TTC34: variants seen among roughly 807,000 people sequenced by gnomAD.
TTC34 encodes tetratricopeptide repeat protein 34.
Under a neutral mutation model 40.7 loss-of-function variants are expected in TTC34, and 44 were observed. The observed-to-expected ratio is 1.08, with a 90% CI of 0.85 to 1.39. The LOEUF is 1.39. Among genes scored for constraint, TTC34 ranks in the 40% most tolerant of loss-of-function variants. The pLI is 0.00. For synonymous variants in TTC34, 422 were observed against 398.6 expected (o/e 1.06, Z -0.70); for missense variants, 884 against 838.0 (o/e 1.05, Z -0.68).
chr1:2,756,608 C>T (rs1641513766), intron 6 of TTC34, among the ~76,000 whole-genome samples: 81 of 150,066 alleles, frequency 5.4e-4, no homozygotes, highest in Admixed American at 8.6e-4. Context: ...CATCTGACAG[C>T]CTGGAACAGC....
intron 6 of TTC34, among the ~76,000 whole-genome samples, chr1:2,769,670 A>C (rs1641984041): frequency 1.8e-4 from 19 of 107,764 alleles, no homozygotes; most frequent in African/African-American, 2.7e-4. Flanking sequence ...AGCACCCTAC[A>C]CCCCCAGGGG....
intron 6 of TTC34, among the ~76,000 whole-genome samples, chr1:2,777,382 G>A (rs72849568): frequency 0.056 from 8,431 of 151,090 alleles, 735 homozygotes; most frequent in African/African-American, 0.2. Flanking sequence ...ACACCTCCAG[G>A]GGAGCATCTG....
chr1:2,784,991 G>GCTCTGGGCCA (rs1305265958), intron 5 of TTC34, among the ~76,000 whole-genome samples: 15 of 136,476 alleles, frequency 1.1e-4, no homozygotes, highest in South Asian at 2.5e-4. Flanking sequence ...GCTCTGGGCT[G>GCTCTGGGCCA]CTCTGGGCCG....
intron 6 of TTC34, among the ~76,000 whole-genome samples, chr1:2,667,036 T>C: frequency 1.4e-4 from 2 of 14,522 alleles, no homozygotes; most frequent in Admixed American, 7.7e-4. Context: ...CATCAGAGAG[T>C]CTGGAGCAAC....
chr1:2,657,478 A>T (rs142966524), intron 6 of TTC34, among the ~76,000 whole-genome samples: 157 of 86,728 alleles, frequency 1.8e-3, no homozygotes, highest in African/African-American at 4.4e-3. Flanking sequence ...CGAGCATCTG[A>T]CCGAACGGAG....
At chr1:2,692,666 CCA>C (rs1640680440) in intron 6 of TTC34, among the ~76,000 whole-genome samples, 59 of 137,196 alleles carry the variant, frequency 4.3e-4, no homozygotes, top group Middle Eastern at 4.0e-3. Context: ...CACCCCACAC[CCA>C]CAGGTGAGCT....
At chr1:2,682,429 C>A (rs1182638305) in intron 6 of TTC34, among the ~76,000 whole-genome samples, 54 of 57,390 alleles carry the variant, frequency 9.4e-4, no homozygotes, top group African/African-American at 2.6e-3. Context: ...GCACCCACAC[C>A]CCCAGGTGAG....
At chr1:2,651,532 C>T (rs1639134019) in intron 6 of TTC34, among the ~76,000 whole-genome samples, 1 of 151,192 alleles carries the variant, frequency 6.6e-6, no homozygotes, top group South Asian at 2.1e-4. Context: ...AGGTGAGAAT[C>T]TGACAGCCTG....
At chr1:2,790,059 G>A in exon 3 of TTC34, 1 of 397,814 alleles carries the variant, frequency 2.5e-6, no homozygotes, top group Admixed American at 4.4e-5. Flanking sequence ...AGGACGCGGA[G>A]CGCGCGGGTT....
intron 6 of TTC34, among the ~76,000 whole-genome samples, chr1:2,749,543 CG>C (rs1641249681): frequency 4.0e-5 from 1 of 24,802 alleles, no homozygotes; most frequent in Non-Finnish European, 6.8e-5. Context: ...AGCATCTGAA[CG>C]CAAATAGCAG....
chr1:2,699,541 T>C (rs369434585), intron 6 of TTC34, among the ~76,000 whole-genome samples: 2 of 119,856 alleles, frequency 1.7e-5, no homozygotes, highest in African/African-American at 2.8e-5. Flanking sequence ...CATCCCCAGG[T>C]GAGCATCTGA....
intron 6 of TTC34, among the ~76,000 whole-genome samples, chr1:2,685,541 C>G (rs1452083231): frequency 2.5e-5 from 3 of 120,646 alleles, no homozygotes; most frequent in Admixed American, 8.4e-5. Context: ...ATCTGACAAC[C>G]TGGAGCAGCA....
At chr1:2,660,792 C>A (rs1331707219) in intron 6 of TTC34, among the ~76,000 whole-genome samples, 2 of 123,186 alleles carry the variant, frequency 1.6e-5, no homozygotes, top group African/African-American at 3.3e-5. Flanking sequence ...GCACCCACAC[C>A]CCCAGGTGAG....
Position 2,751,250 on chromosome 1 carries a change from C to T in TTC34, c.2226+32359G>A, listed in dbSNP as rs1355190660. Among the ~76,000 whole-genome samples the T allele has an allele frequency of 1.9e-5, 2 of 107,840 alleles. 1 individual carries two copies. 70.7% of individuals were successfully genotyped at this position (107,840 alleles called of 152,430 possible). ...ACAGCCTGGAGCAGCAGGCACACCC[C>T]CAGTGAGCATCCGACAGCCTGGAAC... On this transcript the variant is annotated intron_variant, in intron 6 of 8. Coordinates refer to ENST00000401095, the Ensembl canonical transcript of TTC34.
chr1:2,750,673 A>C (rs1285559296), intron 6 of TTC34, among the ~76,000 whole-genome samples: 2 of 86,560 alleles, frequency 2.3e-5, no homozygotes, highest in Non-Finnish European at 2.3e-5. Context: ...ACAGCCTGGA[A>C]CAGCACCCTG....
At chr1:2,751,330 C>T (rs1641312040) in intron 6 of TTC34, among the ~76,000 whole-genome samples, 1 of 143,490 alleles carries the variant, frequency 7.0e-6, no homozygotes, top group Non-Finnish European at 1.5e-5. Flanking sequence ...CAAACACCCC[C>T]AGGCGAGCAT....
At chr1:2,696,848 C>T (rs1417195602) in intron 6 of TTC34, among the ~76,000 whole-genome samples, 1 of 45,188 alleles carries the variant, frequency 2.2e-5, no homozygotes, top group Non-Finnish European at 5.1e-5. Context: ...CACCTTCCGG[C>T]GAGCATCCGA....
chr1:2,688,385 T>C (rs61765688), intron 6 of TTC34, among the ~76,000 whole-genome samples: 4 of 60,596 alleles, frequency 6.6e-5, no homozygotes, highest in Admixed American at 2.0e-4. Context: ...GGTGAGCATC[T>C]GACAGCCTGG....
chr1:2,783,846 C>G (rs1474513604), intron 5 of TTC34, 71 bp from the exon 6 acceptor site: 2 of 1,330,660 alleles, frequency 1.5e-6, no homozygotes, highest in South Asian at 4.1e-5. Flanking sequence ...TCCTGCCCAG[C>G]CCGGGGAGGG....
Sources: allele counts gnomAD v4.1 joint callset (sites outside exome capture counted in the v4.1 genomes callset), GRCh38; gene constraint gnomAD v4.1.1; transcripts MANE v1.5; gene names NCBI Gene and HGNC (gene_info 2026-07-23, HGNC 2026-07-21).